MTUS2: variants seen among roughly 807,000 people sequenced by gnomAD.
MTUS2 encodes microtubule associated scaffold protein 2, also known as microtubule-associated tumor suppressor candidate 2.
A neutral mutation model predicts 114.1 loss-of-function variants in MTUS2; 40 were observed. The ratio of observed to expected loss-of-function variants is 0.35; its 90% CI spans 0.27 to 0.46. MTUS2 has a LOEUF of 0.46. MTUS2 is among the 20% of genes least tolerant of loss of function. The pLI is 1.00. For missense variants in MTUS2, 1,679 were observed against 1,705.4 expected (o/e 0.98, Z 0.27); for synonymous variants, 688 against 672.0 (o/e 1.02, Z -0.37).
intron 2 of MTUS2, among the ~76,000 whole-genome samples, chr13:28,942,280 A>G (rs1593318738): frequency 6.6e-6 from 1 of 152,192 alleles, no homozygotes; most frequent in Admixed American, 6.5e-5. Context: ...ACAATGAGAT[A>G]CCAGCACCCT....
chr13:29,172,054 G>T (rs777533817), intron 5 of MTUS2, among the ~76,000 whole-genome samples: 5 of 152,196 alleles, frequency 3.3e-5, no homozygotes, highest in Admixed American at 6.5e-5. Context: ...AAAGGAGAGA[G>T]TGCACACAGG....
At chr13:29,155,212 G>A (rs1423903066) in intron 5 of MTUS2, among the ~76,000 whole-genome samples, 1 of 152,218 alleles carries the variant, frequency 6.6e-6, no homozygotes, top group Non-Finnish European at 1.5e-5. Flanking sequence ...ATAGCGCTAA[G>A]CATGCTTTCT....
intron 2 of MTUS2, among the ~76,000 whole-genome samples, chr13:28,852,604 C>A (rs1285768256): frequency 6.6e-6 from 1 of 152,086 alleles, no homozygotes. Context: ...ATGACTCATG[C>A]CCATAATCCC....
At chr13:29,324,345 C>A (rs1900388296) in intron 6 of MTUS2, among the ~76,000 whole-genome samples, 1 of 152,100 alleles carries the variant, frequency 6.6e-6, no homozygotes, top group African/African-American at 2.4e-5. Flanking sequence ...GTGGCAGTGA[C>A]CTTCAGAGAA....
intron 2 of MTUS2, among the ~76,000 whole-genome samples, chr13:28,922,807 GGTT>G (rs1881117593): frequency 1.3e-5 from 2 of 152,108 alleles, no homozygotes; most frequent in African/African-American, 4.8e-5. Context: ...GTTGATTTTT[GGTT>G]GTTGTGATAG....
At chr13:29,009,139 C>A (rs1173159296) in intron 2 of MTUS2, among the ~76,000 whole-genome samples, 1 of 151,840 alleles carries the variant, frequency 6.6e-6, no homozygotes, top group East Asian at 1.9e-4. Flanking sequence ...TATTCCCTGT[C>A]TCTTTCTATA....
chr13:29,257,108 T>C (rs1322927948), intron 5 of MTUS2, among the ~76,000 whole-genome samples: 1 of 152,238 alleles, frequency 6.6e-6, no homozygotes, highest in African/African-American at 2.4e-5. Flanking sequence ...CTTTGTCTCA[T>C]CAACCTACTG....
chr13:29,274,876 T>C (rs7319399), intron 5 of MTUS2, among the ~76,000 whole-genome samples: 6,399 of 152,098 alleles, frequency 0.042, 392 homozygotes, highest in East Asian at 0.26. Flanking sequence ...ACTATAGGTG[T>C]GTACCACCAT....
chr13:28,926,196 A>G (rs1881318753), intron 2 of MTUS2, among the ~76,000 whole-genome samples: 1 of 152,228 alleles, frequency 6.6e-6, no homozygotes, highest in Non-Finnish European at 1.5e-5. Context: ...TCCAAAAGGT[A>G]TGGACTTAAA....
intron 2 of MTUS2, among the ~76,000 whole-genome samples, chr13:28,963,167 C>T (rs1010509741): frequency 6.6e-6 from 1 of 152,022 alleles, no homozygotes; most frequent in Non-Finnish European, 1.5e-5. Context: ...CTAGCTAACA[C>T]GGTGAAACCC....
intron 4 of MTUS2, among the ~76,000 whole-genome samples, chr13:29,060,294 A>G (rs1888349787): frequency 6.6e-6 from 1 of 152,036 alleles, no homozygotes; most frequent in African/African-American, 2.4e-5. Context: ...ATTTAGAAGC[A>G]TAGGGGTGGG....
At chr13:29,451,867 G>A (rs1280410494) in intron 9 of MTUS2, among the ~76,000 whole-genome samples, 2 of 152,102 alleles carry the variant, frequency 1.3e-5, no homozygotes, top group Non-Finnish European at 2.9e-5. Context: ...GGGATTATAG[G>A]CATGAGCCTC....
In MTUS2 at chr13:29,329,985, A is replaced by G. The variant is rs1047593510; in HGVS notation, c.2905+5274A>G. On this transcript the variant is annotated intron_variant, in intron 7 of 15. Transcript: ENST00000612955. ...TCCAGTAATGGAATTGTTGGGTCAA[A>G]TGGTATTTCTGGTTCTAGATCCTTG... 2.0e-5 allele frequency among the ~76,000 whole-genome samples: 3 copies of G among 152,194 alleles called. No individual in the cohort carries two copies. In the South Asian group the frequency reaches 6.2e-4, roughly 32 times the overall value.
intron 8 of MTUS2, among the ~76,000 whole-genome samples, chr13:29,371,254 C>T (rs1871172043): frequency 1.4e-5 from 2 of 141,134 alleles, no homozygotes; most frequent in South Asian, 5.2e-4. Flanking sequence ...GTCTCGCTCT[C>T]TTGCCCAGGC....
intron 4 of MTUS2, among the ~76,000 whole-genome samples, chr13:29,040,718 A>G (rs1180384710): frequency 1.3e-5 from 2 of 152,176 alleles, no homozygotes; most frequent in African/African-American, 4.8e-5. Flanking sequence ...ATTAGTAATG[A>G]TGATCATTTT....
chr13:29,407,447 C>CTTACTTAT (rs1555274926), intron 8 of MTUS2, among the ~76,000 whole-genome samples: 4 of 139,396 alleles, frequency 2.9e-5, no homozygotes, highest in South Asian at 2.4e-4. Context: ...AGTGATTGTA[C>CTTACTTAT]TTATTTATTT....
intron 5 of MTUS2, among the ~76,000 whole-genome samples, chr13:29,139,596 A>G (rs1892130237): frequency 6.6e-6 from 1 of 152,130 alleles, no homozygotes; most frequent in African/African-American, 2.4e-5. Context: ...GAGACAAAGA[A>G]TTTTGTACCC....
intron 5 of MTUS2, among the ~76,000 whole-genome samples, chr13:29,196,569 AT>A (rs1173703780): frequency 6.6e-6 from 1 of 152,028 alleles, no homozygotes; most frequent in Non-Finnish European, 1.5e-5. Flanking sequence ...CTCCAGAACT[AT>A]TTTCATCTTG....
rs569491406 is a variant in MTUS2 at position 28,962,170 on chromosome 13, A to G, written c.-242-62287A>G. Among the ~76,000 whole-genome samples the G allele has an allele frequency of 5.3e-5, 8 of 152,022 alleles. No individual in the cohort carries two copies. The South Asian group carries it at 1.0e-3, about 20-fold the overall frequency. On this transcript the variant is annotated intron_variant, in intron 2 of 15. Transcript: ENST00000612955. ...TTTTAACAAATTGTTGTCCTGAAAA[A>G]TTGTACTAGCTTACATGATGGGAAA...
Sources: gnomAD v4.1 joint callset for allele counts (sites outside exome capture counted in the v4.1 genomes callset) on GRCh38, gnomAD v4.1.1 for gene constraint, MANE v1.5 for transcripts, NCBI Gene and HGNC (gene_info 2026-07-23, HGNC 2026-07-21) for gene names.